Variants in SPTLC3 observed in about 807,000 individuals in gnomAD.
The protein encoded by SPTLC3 is serine palmitoyltransferase long chain base subunit 3.
In SPTLC3, 36 loss-of-function variants were observed where a neutral mutation model predicts 59.3. The observed-to-expected ratio is 0.61, with a 90% CI of 0.47 to 0.80. The LOEUF (loss-of-function observed/expected upper bound fraction) is 0.80, where lower values mean the gene tolerates loss of function less well. SPTLC3 is among the 30% of genes least tolerant of loss of function. SPTLC3 has a pLI of 0.00. For missense variants in SPTLC3, 625 were observed against 685.1 expected (o/e 0.91, Z 0.98); for synonymous variants, 257 against 240.8 (o/e 1.07, Z -0.62).
At chr20:13,093,032 A>C (rs73257287) in intron 5 of SPTLC3, among the ~76,000 whole-genome samples, 4,301 of 152,276 alleles carry the variant, frequency 0.028, 192 homozygotes, top group African/African-American at 0.098. Flanking sequence ...TACAGTGGAA[A>C]ATAAGAATCA....
intron 9 of SPTLC3, among the ~76,000 whole-genome samples, chr20:13,131,042 T>C (rs957147008): frequency 1.4e-4 from 22 of 152,042 alleles, no homozygotes; most frequent in Non-Finnish European, 1.0e-4. Context: ...TTTGGAAAGG[T>C]CTAGAAAGAT....
intron 6 of SPTLC3, 96 bp from the exon 7 acceptor site, chr20:13,110,016 G>A (rs758584386): frequency 5.1e-6 from 5 of 978,324 alleles, no homozygotes; most frequent in Non-Finnish European, 7.4e-6. Flanking sequence ...GAAAGTTTAG[G>A]TCTGAGTGTG....
chr20:13,134,382 CATT>C (rs1423022095), intron 9 of SPTLC3, among the ~76,000 whole-genome samples: 1 of 152,168 alleles, frequency 6.6e-6, no homozygotes, highest in African/African-American at 2.4e-5. Flanking sequence ...TAATTTTACT[CATT>C]ATGCCTATCT....
At chr20:13,068,213 G>A (rs533011347) in intron 2 of SPTLC3, among the ~76,000 whole-genome samples, 1 of 152,102 alleles carries the variant, frequency 6.6e-6, no homozygotes, top group Non-Finnish European at 1.5e-5. Context: ...TGCTATTTTT[G>A]TGGGTCTTTT....
intron 4 of SPTLC3, among the ~76,000 whole-genome samples, chr20:13,088,858 T>A (rs948817088): frequency 2.0e-5 from 3 of 149,694 alleles, no homozygotes; most frequent in African/African-American, 7.4e-5. Context: ...CTTGAACTCC[T>A]GACCTTAGGT....
At chr20:13,134,181 C>G (rs2038190661) in intron 9 of SPTLC3, among the ~76,000 whole-genome samples, 1 of 152,186 alleles carries the variant, frequency 6.6e-6, no homozygotes, top group African/African-American at 2.4e-5. Context: ...TACATACTTT[C>G]CAGTTGAATT....
intron 1 of SPTLC3, among the ~76,000 whole-genome samples, chr20:13,039,515 G>C (rs1382383703): frequency 6.6e-6 from 1 of 152,004 alleles, no homozygotes. Flanking sequence ...AATCAAAAGT[G>C]TATCTACTCT....
At chr20:13,012,836 A>C (rs1985325553) in intron 1 of SPTLC3, among the ~76,000 whole-genome samples, 1 of 152,148 alleles carries the variant, frequency 6.6e-6, no homozygotes, top group African/African-American at 2.4e-5. Context: ...GGAAATCACA[A>C]GTTGGGGTGG....
chr20:13,029,377 T>G (rs1227002723), intron 1 of SPTLC3, among the ~76,000 whole-genome samples: 1 of 152,214 alleles, frequency 6.6e-6, no homozygotes, highest in Non-Finnish European at 1.5e-5. Context: ...TAACTCATGC[T>G]TTTCACCTAT....
intron 1 of SPTLC3, among the ~76,000 whole-genome samples, chr20:13,014,668 G>A (rs1028392417): frequency 1.3e-5 from 2 of 151,910 alleles, no homozygotes; most frequent in African/African-American, 4.8e-5. Context: ...GTGAAGTGAG[G>A]CACAGAAGGG....
chr20:13,153,991 G>GT lies in SPTLC3; in HGVS notation c.1280-11dup. The GT allele has an allele frequency of 6.8e-6, 11 of 1,612,914 alleles. No homozygotes were observed. The highest frequency in any genetic ancestry group is 9.3e-6 in the Non-Finnish European group (11 of 1,179,482). ...GTGGGAATTGATGGATTTCACGCCT[G>GT]TCTCTTTTCAGGGCTGCAGAGAGTA... On this transcript the variant is annotated splice_polypyrimidine_tract_variant and intron_variant, in intron 9 of 11. Coordinates refer to ENST00000399002, the MANE Select transcript of SPTLC3 (RefSeq NM_018327.4).
chr20:13,150,520 C>A lies in SPTLC3; in HGVS notation c.1280-3483C>A, dbSNP rs76923801. Among the ~76,000 whole-genome samples the A allele has an allele frequency of 4.3e-3, 661 of 152,296 alleles. 4 individuals are homozygous for A. The highest frequency in any genetic ancestry group is 0.015 in the African/African-American group (635 of 41,564). On this transcript the variant is annotated intron_variant, in intron 9 of 11. Coordinates refer to ENST00000399002, the MANE Select transcript of SPTLC3 (RefSeq NM_018327.4). ...TTAAAACCAGAGTTCCATCCAGGGA[C>A]TCCAAAGTAAAGGTTTTCAATGAGT...
chr20:13,070,735 G>A (rs1230622747), intron 2 of SPTLC3, among the ~76,000 whole-genome samples: 4 of 152,198 alleles, frequency 2.6e-5, no homozygotes, highest in African/African-American at 9.6e-5. Context: ...GCTGTAGGGA[G>A]TCATTAGGGG....
At chr20:13,052,889 C>T (rs6078903) in intron 2 of SPTLC3, among the ~76,000 whole-genome samples, 132,658 of 152,198 alleles carry the variant, frequency 0.87, 57,877 homozygotes, top group East Asian at 0.92. Flanking sequence ...GGCAGCAGCC[C>T]CAGTCAGGGG....
At chr20:13,159,606 CT>C (rs930545572) in intron 10 of SPTLC3, among the ~76,000 whole-genome samples, 3 of 152,114 alleles carry the variant, frequency 2.0e-5, no homozygotes, top group African/African-American at 7.2e-5. Context: ...TAGATTCTTT[CT>C]TTATGGAATT....
chr20:13,072,824 C>T (rs1988495146), intron 3 of SPTLC3, among the ~76,000 whole-genome samples: 1 of 152,206 alleles, frequency 6.6e-6, no homozygotes, highest in South Asian at 2.1e-4. Context: ...AAAATCAGGT[C>T]TAAGTAACAA....
In SPTLC3 at chr20:13,166,120, G is replaced by A. The variant is rs1366791631; in HGVS notation, c.*1253G>A. 1 of 152,608 alleles carries A rather than the reference G, an allele frequency of 6.6e-6. No homozygotes were observed. The highest frequency in any genetic ancestry group is 6.6e-5 in the Admixed American group (1 of 15,266). 9.5% of individuals were successfully genotyped at this position (152,608 alleles called of 1,614,324 possible). On this transcript the variant is annotated 3_prime_UTR_variant, in exon 12 of 12. Coordinates refer to ENST00000399002, the MANE Select transcript of SPTLC3 (RefSeq NM_018327.4). Reference sequence around the variant, plus strand: ...GATTTGGAAATTCTAGAGAGCAGTGGTGACCTTTTAGCAAAGCTTCTGTAA... The same window carrying A: ...GATTTGGAAATTCTAGAGAGCAGTGATGACCTTTTAGCAAAGCTTCTGTAA...
At position 13,069,016 on chromosome 20, in the gene SPTLC3, C is replaced by T. The variant is rs140179486; in HGVS notation, c.304-3240C>T. On this transcript the variant is annotated intron_variant, in intron 2 of 11. Coordinates refer to ENST00000399002, the MANE Select transcript of SPTLC3 (RefSeq NM_018327.4). Reference sequence around the variant, plus strand: ...AGGTTAGACAGGATGAAGTATTTTCCGACCTTCTCTTAGGTGGCCATGACA... The same window carrying T: ...AGGTTAGACAGGATGAAGTATTTTCTGACCTTCTCTTAGGTGGCCATGACA... 2.6e-4 allele frequency among the ~76,000 whole-genome samples: 39 copies of T among 152,200 alleles called. 1 individual carries two copies. In the East Asian group the frequency reaches 7.4e-3, roughly 29 times the overall value.
chr20:13,084,849 AAAAT>A (rs1988954958), intron 4 of SPTLC3, among the ~76,000 whole-genome samples: 1 of 152,226 alleles, frequency 6.6e-6, no homozygotes, highest in Non-Finnish European at 1.5e-5. Context: ...ATTATTTATA[AAAAT>A]AAATAAAACT....
Sources: allele counts gnomAD v4.1 joint callset (sites outside exome capture counted in the v4.1 genomes callset), GRCh38; gene constraint gnomAD v4.1.1; transcripts MANE v1.5; gene names NCBI Gene and HGNC (gene_info 2026-07-23, HGNC 2026-07-21).